The following ANKS3 variants were observed in gnomAD, a reference collection of about 807,000 sequenced individuals.
ANKS3 encodes ankyrin repeat and SAM domain-containing protein 3.
Under a neutral mutation model 80.7 loss-of-function variants are expected in ANKS3, and 62 were observed. The ratio of observed to expected loss-of-function variants is 0.77; its 90% CI spans 0.63 to 0.95. The LOEUF (loss-of-function observed/expected upper bound fraction) is 0.95, where lower values mean the gene tolerates loss of function less well. Among genes scored for constraint, ANKS3 ranks in the 40% least tolerant of loss-of-function variants. The pLI, the probability that ANKS3 is intolerant of heterozygous loss-of-function variation, is 0.00. For synonymous variants in ANKS3, 489 were observed against 355.3 expected (o/e 1.38, Z -4.23); for missense variants, 1,150 against 883.6 (o/e 1.30, Z -3.82).
intron 9 of ANKS3, 100 bp from the exon 10 acceptor site, chr16:4,701,643 G>C (rs952773691): frequency 5.0e-6 from 5 of 998,604 alleles, no homozygotes; most frequent in Admixed American, 2.8e-5. Context: ...CACTCCTTGG[G>C]GCCTGCAGCG....
At chr16:4,724,628 G>T (rs2081264696) in intron 6 of ANKS3, 122 bp downstream of exon 6, 3 of 951,166 alleles carry the variant, frequency 3.2e-6, no homozygotes, top group African/African-American at 1.6e-5. Context: ...ATGAAAATGT[G>T]TTGAATAAAT....
At chr16:4,725,661 TTTTG>T (rs1460755862) in intron 5 of ANKS3, among the ~76,000 whole-genome samples, 5 of 152,134 alleles carry the variant, frequency 3.3e-5, no homozygotes, top group African/African-American at 4.8e-5. Context: ...ATGACTGGTT[TTTTG>T]TTTGTTTTTG....
rs182756690 is a variant in ANKS3 at position 4,697,347 on chromosome 16, C to T, written c.1880G>A (p.Arg627His). ...LPELSGALED[R>H]VREMGQALCL... Reference sequence around the variant, plus strand: ...CGGAGACTCACCCATCTCACGGACACGGTCCTCCAGGGCTCCCGAGAGCTC... The same window carrying T: ...CGGAGACTCACCCATCTCACGGACATGGTCCTCCAGGGCTCCCGAGAGCTC... Residue 627 changes from arginine (R) to histidine (H), a missense_variant, in exon 16 of 18, where the codon CGT becomes CAT. Coordinates refer to ENST00000304283, the MANE Select transcript of ANKS3 (RefSeq NM_133450.4). The T allele has an allele frequency of 1.5e-5, 24 of 1,607,430 alleles. No individual in the cohort carries two copies. In the African/African-American group the frequency reaches 1.6e-4, roughly 11 times the overall value.
Position 4,702,121 on chromosome 16 carries a change from G to A in ANKS3, c.990C>T (p.Ser330=), listed in dbSNP as rs2079946882. The A allele has an allele frequency of 1.9e-6, 3 of 1,596,636 alleles. No homozygotes were observed. Among genetic ancestry groups the A allele is most frequent in the Non-Finnish European group, 1.7e-6 (2 of 1,173,338 alleles). ...ACGTACCCCGACTGCTGCTGCTGCT[G>A]CTGCTCTCCACATCCCGCTCATTGA... ...SPINERDVES[S]SSSSSREEHA... The change falls in exon 9 of 18, where the codon AGC becomes AGT. Residue 330 remains serine (S), a synonymous_variant. Coordinates refer to ENST00000304283, the MANE Select transcript of ANKS3 (RefSeq NM_133450.4).
chr16:4,708,441 T>A (rs879440835), intron 7 of ANKS3, among the ~76,000 whole-genome samples: 5 of 152,014 alleles, frequency 3.3e-5, no homozygotes, highest in Admixed American at 6.6e-5. Flanking sequence ...ATTCACAGCC[T>A]CTAACATTTA....
At chr16:4,722,089 G>A (rs1352823579) in intron 6 of ANKS3, among the ~76,000 whole-genome samples, 1 of 151,422 alleles carries the variant, frequency 6.6e-6, no homozygotes, top group East Asian at 1.9e-4. Context: ...GACGCAGGCA[G>A]GGTGGGGGAC....
chr16:4,714,189 G>A lies in ANKS3; in HGVS notation c.574-3C>T, dbSNP rs370287945. ...TCTCTCGCGTCCACCTTGACTCCCT[G>A]TGAATGTCCGTGAAAGGGGGTTAGG... On this transcript the variant is annotated splice_region_variant and splice_polypyrimidine_tract_variant and intron_variant, in intron 6 of 17. Coordinates refer to ENST00000304283, the MANE Select transcript of ANKS3 (RefSeq NM_133450.4). 7.3e-5 allele frequency: 117 copies of A among 1,613,774 alleles called. No individual in the cohort carries two copies. Among genetic ancestry groups the A allele is most frequent in the Non-Finnish European group, 9.2e-5 (108 of 1,179,904 alleles).
intron 6 of ANKS3, 123 bp from the exon 7 acceptor site, chr16:4,714,309 C>T: frequency 2.2e-6 from 3 of 1,382,706 alleles, no homozygotes. Context: ...GTGTGGGAAA[C>T]ATCACATCTG....
intron 9 of ANKS3, chr16:4,701,868 A>G: frequency 1.9e-6 from 1 of 522,626 alleles, no homozygotes; most frequent in Non-Finnish European, 3.3e-6. Context: ...AGGGGCTCCC[A>G]AGCAAGGAGC....
At chr16:4,719,212 G>A (rs2080958491) in intron 6 of ANKS3, among the ~76,000 whole-genome samples, 1 of 152,122 alleles carries the variant, frequency 6.6e-6, no homozygotes, top group South Asian at 2.1e-4. Context: ...TGCGCTTGTG[G>A]TCTCAGCTAC....
chr16:4,699,353 G>T, intron 11 of ANKS3, 177 bp from the exon 12 acceptor site: 2 of 826,570 alleles, frequency 2.4e-6, no homozygotes, highest in East Asian at 2.7e-5. Context: ...GATGTTGCAG[G>T]CAGGTGAGTC....
Position 4,727,370 on chromosome 16 carries a change from G to A in ANKS3, c.171-193C>T, listed in dbSNP as rs116998043. The A allele has an allele frequency of 1.3e-3, 834 of 625,022 alleles. 7 individuals are homozygous for A. In the East Asian group the frequency reaches 0.016, roughly 12 times the overall value. 38.7% of individuals were successfully genotyped at this position (625,022 alleles called of 1,614,324 possible). A position where few individuals can be genotyped will look rare whatever the true frequency, so the allele number is the denominator to read the frequency against. ...AGTTGCTCGTACACTGCCTTGTGAG[G>A]CCCTGAGCCTTCGTCTCCTTGCTCT... On this transcript the variant is annotated intron_variant, in intron 3 of 17. Transcript: ENST00000304283.
In ANKS3 at chr16:4,701,509, G is replaced by T. The variant is rs1180002221; in HGVS notation, c.1044C>A (p.Val348=). The part of the protein sequence containing the change: ...EHAFCANLGP[V]QSSSSSEGLA... Reference sequence around the variant, plus strand: ...GGCCCTCGCTGCTGCTGCTGCTCTGGACGGGCCCCAGGTTGGCACAGAAAG... The same window carrying T: ...GGCCCTCGCTGCTGCTGCTGCTCTGTACGGGCCCCAGGTTGGCACAGAAAG... The change falls in exon 10 of 18, where the codon GTC becomes GTA. Residue 348 remains valine, a synonymous_variant. Coordinates refer to ENST00000304283, the MANE Select transcript of ANKS3 (RefSeq NM_133450.4). 1.2e-6 allele frequency: 2 copies of T among 1,611,860 alleles called. No individual in the cohort carries two copies. The highest frequency in any genetic ancestry group is 3.3e-5 in the Admixed American group (2 of 59,962).
rs35716126 is a variant in ANKS3 at position 4,697,038 on chromosome 16, C to G, written c.1961G>C (p.Arg654Pro). 3 of 1,613,772 alleles carry G rather than the reference C, an allele frequency of 1.9e-6. No individual in the cohort carries two copies. The highest frequency in any genetic ancestry group is 2.5e-6 in the Non-Finnish European group (3 of 1,179,982). Reference sequence around the variant, plus strand: ...TCACCGGCCCGCAGGCTAGGTCTCCCGCCACTTCTTCCCGTTCAGCACCTG... The same window carrying G: ...TCACCGGCCCGCAGGCTAGGTCTCCGGCCACTTCTTCCCGTTCAGCACCTG... ...KLQVLNGKKW[R>P]ET The change falls in exon 17 of 18, where the codon CGG (arginine) becomes CCG (proline). Residue 654 changes from arginine (R) to proline (P), a missense_variant. Physicochemically the swap from Arg to Pro is moderately radical, Grantham distance 103 (BLOSUM62 -2). Transcript: ENST00000304283.
chr16:4,720,163 A>C lies in ANKS3; in HGVS notation c.573+4587T>G, dbSNP rs1218581513. 7.3e-4 allele frequency among the ~76,000 whole-genome samples: 68 copies of C among 92,844 alleles called. No individual in the cohort carries two copies. The South Asian group carries it at 0.013, about 17-fold the overall frequency. 60.9% of individuals were successfully genotyped at this position (92,844 alleles called of 152,430 possible). A position where few individuals can be genotyped will look rare whatever the true frequency, so the allele number is the denominator to read the frequency against. On this transcript the variant is annotated intron_variant, in intron 6 of 17. Transcript: ENST00000304283. ...GGGGACAGAGCAAGACCCCACCCCA[A>C]AAAAAAAAAAAAAAAAAAGGCCAGG...
At position 4,707,358 on chromosome 16, in the gene ANKS3, T is replaced by C. The variant is rs139647565; in HGVS notation, c.710-2105A>G. Among the ~76,000 whole-genome samples the C allele has an allele frequency of 9.1e-3, 1,384 of 151,808 alleles. 23 individuals carry two copies. The highest frequency in any genetic ancestry group is 0.032 in the African/African-American group (1,318 of 41,336). ...GTGCAGTGGCACAATCTCGGCTCAT[T>C]GTAACCTCCGCCTCCCGGGTTCAAG... On this transcript the variant is annotated intron_variant, in intron 7 of 17. Coordinates refer to ENST00000304283, the MANE Select transcript of ANKS3 (RefSeq NM_133450.4).
chr16:4,722,762 C>CA (rs989077362), intron 6 of ANKS3, among the ~76,000 whole-genome samples: 5 of 149,552 alleles, frequency 3.3e-5, no homozygotes, highest in Non-Finnish European at 5.9e-5. Flanking sequence ...TACTAAAATA[C>CA]AAAAAATTAG....
At chr16:4,706,364 G>A (rs1020637696) in intron 7 of ANKS3, among the ~76,000 whole-genome samples, 31 of 152,056 alleles carry the variant, frequency 2.0e-4, no homozygotes, top group African/African-American at 7.2e-4. Flanking sequence ...CCAAGTAGCT[G>A]GGACTACAGG....
At chr16:4,717,204 T>C (rs1183407359) in intron 6 of ANKS3, among the ~76,000 whole-genome samples, 7 of 151,970 alleles carry the variant, frequency 4.6e-5, no homozygotes, top group African/African-American at 1.5e-4. Flanking sequence ...ATCACGCCAC[T>C]GCACACCAGC....
Sources: allele counts gnomAD v4.1 joint callset (sites outside exome capture counted in the v4.1 genomes callset), GRCh38; gene constraint gnomAD v4.1.1; transcripts MANE v1.5; gene names NCBI Gene and HGNC (gene_info 2026-07-23, HGNC 2026-07-21).